SHANK2: variants seen among roughly 807,000 people sequenced by gnomAD.
SHANK2 encodes the protein SH3 and multiple ankyrin repeat domains 2.
In SHANK2, 43 loss-of-function variants were observed where a neutral mutation model predicts 133.7. The ratio of observed to expected loss-of-function variants is 0.32; its 90% CI spans 0.25 to 0.41. SHANK2 has a LOEUF of 0.41. SHANK2 is among the 10% of genes least tolerant of loss of function. SHANK2 has a pLI of 1.00. For synonymous variants in SHANK2, 1,017 were observed against 952.8 expected (o/e 1.07, Z -1.24); for missense variants, 1,994 against 2,235.8 (o/e 0.89, Z 2.18).
intron 17 of SHANK2, among the ~76,000 whole-genome samples, chr11:70,599,188 G>C (rs1295152137): frequency 6.6e-6 from 1 of 152,158 alleles, no homozygotes; most frequent in Non-Finnish European, 1.5e-5. Context: ...CTACATTTCA[G>C]CAAGAATCAG....
intron 2 of SHANK2, among the ~76,000 whole-genome samples, chr11:71,172,423 C>T (rs530663899): frequency 9.2e-5 from 14 of 151,838 alleles, no homozygotes; most frequent in Non-Finnish European, 1.8e-4. Flanking sequence ...TATGGTGACA[C>T]CCCATCTCTA....
At chr11:71,063,110 G>A (rs1951007999) in intron 9 of SHANK2, among the ~76,000 whole-genome samples, 1 of 151,268 alleles carries the variant, frequency 6.6e-6, no homozygotes, top group Admixed American at 6.6e-5. Context: ...GGAGGGAAAA[G>A]AAAGAAAAAG....
intron 17 of SHANK2, among the ~76,000 whole-genome samples, chr11:70,512,471 A>G (rs569536105): frequency 2.0e-5 from 3 of 152,334 alleles, no homozygotes; most frequent in East Asian, 3.9e-4. Flanking sequence ...ATAGTATACT[A>G]TGGTTACTTC....
rs573552340 is a variant in SHANK2, at chr11:70,809,100, G to T, written c.1494-1929C>A. ...GCACCTACACAGTGCCAGGACGGGC[G>T]TCCTTAGAAACAAACGCATCTACAC... is the stretch of plus-strand genomic sequence containing the variant. On this transcript the variant is annotated intron_variant, in intron 12 of 25. Transcript: ENST00000601538. Among the ~76,000 whole-genome samples the T allele has an allele frequency of 2.0e-5, 3 of 152,174 alleles. No individual in the cohort carries two copies. The South Asian group carries it at 6.2e-4, about 32-fold the overall frequency.
intron 14 of SHANK2, among the ~76,000 whole-genome samples, chr11:70,790,918 C>A (rs1306028244): frequency 6.6e-6 from 1 of 152,182 alleles, no homozygotes; most frequent in Non-Finnish European, 1.5e-5. Context: ...CCCGTCTCTG[C>A]AGGCTGGGGG....
At chr11:70,724,343 C>T (rs1555030035) in intron 14 of SHANK2, among the ~76,000 whole-genome samples, 1 of 152,166 alleles carries the variant, frequency 6.6e-6, no homozygotes, top group Non-Finnish European at 1.5e-5. Flanking sequence ...GCTCAAAGTT[C>T]ATTCTTACAC....
chr11:71,133,426 AGG>A (rs1565470287), intron 3 of SHANK2, among the ~76,000 whole-genome samples: 1 of 28,090 alleles, frequency 3.6e-5, no homozygotes, highest in Non-Finnish European at 6.5e-5. Context: ...GGACAGATGG[AGG>A]GAGGGAGGGA....
chr11:70,665,692 C>T (rs189197900), intron 15 of SHANK2, among the ~76,000 whole-genome samples: 2 of 152,334 alleles, frequency 1.3e-5, no homozygotes, highest in East Asian at 3.9e-4. Context: ...ACATTGACCA[C>T]CTTGACTACT....
At chr11:70,917,956 G>C (rs543465526) in intron 10 of SHANK2, among the ~76,000 whole-genome samples, 19 of 152,064 alleles carry the variant, frequency 1.2e-4, no homozygotes, top group African/African-American at 3.9e-4. Context: ...AAACCCCCAA[G>C]ACATGTGTTT....
chr11:71,077,787 G>A (rs1342612173), intron 8 of SHANK2, among the ~76,000 whole-genome samples: 2 of 151,974 alleles, frequency 1.3e-5, no homozygotes, highest in African/African-American at 4.8e-5. Flanking sequence ...GCACACACAA[G>A]GACACTCAGG....
At chr11:70,548,423 G>A (rs1292017407) in intron 17 of SHANK2, among the ~76,000 whole-genome samples, 11 of 152,168 alleles carry the variant, frequency 7.2e-5, no homozygotes, top group Admixed American at 3.3e-4. Flanking sequence ...CCGTCCACCC[G>A]CCACTTCCCT....
At chr11:71,066,135 T>C (rs1951056433) in intron 9 of SHANK2, among the ~76,000 whole-genome samples, 2 of 58,938 alleles carry the variant, frequency 3.4e-5, no homozygotes, top group Non-Finnish European at 3.1e-5. Context: ...GAGCAGTGAG[T>C]GGGGAAGTTG....
chr11:71,067,151 C>T (rs1383950674), intron 9 of SHANK2, among the ~76,000 whole-genome samples: 4 of 152,184 alleles, frequency 2.6e-5, no homozygotes, highest in Non-Finnish European at 4.4e-5. Flanking sequence ...ACACCCACAA[C>T]GCCCAATGCT....
intron 10 of SHANK2, among the ~76,000 whole-genome samples, chr11:70,899,120 G>A (rs1306524952): frequency 1.3e-5 from 2 of 152,206 alleles, no homozygotes; most frequent in African/African-American, 4.8e-5. Context: ...GGGCAGAGCT[G>A]TGAGGTGAGA....
intron 17 of SHANK2, among the ~76,000 whole-genome samples, chr11:70,612,700 G>A (rs573415782): frequency 9.9e-5 from 15 of 152,284 alleles, no homozygotes; most frequent in African/African-American, 3.1e-4. Flanking sequence ...TGCAATTCCC[G>A]CGCTCTATCT....
At chr11:70,561,700 T>C (rs1482684206) in intron 17 of SHANK2, among the ~76,000 whole-genome samples, 1 of 98,088 alleles carries the variant, frequency 1.0e-5, no homozygotes, top group Non-Finnish European at 2.1e-5. Context: ...AGCTAGTTTT[T>C]AACTTTTTGT....
At chr11:71,147,806 C>T (rs1229501381) in intron 2 of SHANK2, among the ~76,000 whole-genome samples, 3 of 152,212 alleles carry the variant, frequency 2.0e-5, no homozygotes, top group Admixed American at 6.5e-5. Context: ...AGCAAGTTCA[C>T]GCTATAATAA....
chr11:70,563,491 C>G (rs2059932787), intron 17 of SHANK2, among the ~76,000 whole-genome samples: 4 of 151,166 alleles, frequency 2.6e-5, no homozygotes, highest in Non-Finnish European at 5.9e-5. Flanking sequence ...ACATATATAG[C>G]CATGCAGCTA....
At chr11:70,483,219 TC>T (rs2058758683) in intron 25 of SHANK2, among the ~76,000 whole-genome samples, 1 of 152,258 alleles carries the variant, frequency 6.6e-6, no homozygotes, top group Non-Finnish European at 1.5e-5. Flanking sequence ...AAGCCACTTA[TC>T]CTCTGAAAAA....
Sources: gnomAD v4.1 joint callset for allele counts (sites outside exome capture counted in the v4.1 genomes callset) on GRCh38, gnomAD v4.1.1 for gene constraint, MANE v1.5 for transcripts, NCBI Gene and HGNC (gene_info 2026-07-23, HGNC 2026-07-21) for gene names.